NCAM2: variants seen among roughly 807,000 people sequenced by gnomAD.
NCAM2 encodes the protein neural cell adhesion molecule 2.
NCAM2 carries 30 observed loss-of-function variants against 98.1 expected under a neutral mutation model. The ratio of observed to expected loss-of-function variants is 0.31; its 90% CI spans 0.23 to 0.41. NCAM2 has a LOEUF of 0.41. NCAM2 is among the 10% of genes least tolerant of loss of function. The pLI is 1.00. For synonymous variants in NCAM2, 368 were observed against 342.4 expected (o/e 1.07, Z -0.83); for missense variants, 867 against 1,005.8 (o/e 0.86, Z 1.87).
chr21:21,021,014 G>C (rs1417551896), intron 1 of NCAM2, among the ~76,000 whole-genome samples: 1 of 152,052 alleles, frequency 6.6e-6, no homozygotes, highest in Admixed American at 6.6e-5. Context: ...AGGTTGGCCA[G>C]GTGTCTCCTG....
At chr21:21,341,680 A>G (rs2075040908) in intron 8 of NCAM2, among the ~76,000 whole-genome samples, 1 of 151,438 alleles carries the variant, frequency 6.6e-6, no homozygotes, top group Non-Finnish European at 1.5e-5. Context: ...TAGATTTTTC[A>G]GAGAGGAGGG....
intron 1 of NCAM2, among the ~76,000 whole-genome samples, chr21:21,185,953 T>C (rs1348810415): frequency 6.6e-6 from 1 of 152,140 alleles, no homozygotes; most frequent in East Asian, 1.9e-4. Context: ...GATAGCCAGG[T>C]CAAAGTGAGG....
At chr21:21,349,239 A>G (rs752814169) in intron 8 of NCAM2, among the ~76,000 whole-genome samples, 1 of 152,170 alleles carries the variant, frequency 6.6e-6, no homozygotes, top group Admixed American at 6.5e-5. Context: ...TAGAAAAAAT[A>G]TAATTATCTA....
At chr21:21,297,932 T>C (rs1478798350) in intron 5 of NCAM2, among the ~76,000 whole-genome samples, 2 of 151,768 alleles carry the variant, frequency 1.3e-5, no homozygotes, top group East Asian at 3.9e-4. Flanking sequence ...ACAATTGAGA[T>C]TGGATAAAAA....
chr21:21,364,252 T>C (rs1051888764), intron 8 of NCAM2, among the ~76,000 whole-genome samples: 15 of 151,966 alleles, frequency 9.9e-5, no homozygotes, highest in African/African-American at 3.4e-4. Flanking sequence ...CCAATAAATA[T>C]AGGCATATTT....
chr21:21,520,379 G>A (rs2219546), intron 16 of NCAM2, among the ~76,000 whole-genome samples: 1 of 152,216 alleles, frequency 6.6e-6, no homozygotes, highest in Admixed American at 6.5e-5. Context: ...AAAGCATAAG[G>A]AAGAGTAGGA....
At chr21:21,218,341 T>C (rs1391543300) in intron 1 of NCAM2, among the ~76,000 whole-genome samples, 1 of 152,106 alleles carries the variant, frequency 6.6e-6, no homozygotes, top group Non-Finnish European at 1.5e-5. Flanking sequence ...TGACCAAGTA[T>C]ACTCTCAGAA....
chr21:21,288,428 A>T, intron 4 of NCAM2, among the ~76,000 whole-genome samples: 1 of 151,930 alleles, frequency 6.6e-6, no homozygotes, highest in East Asian at 1.9e-4. Flanking sequence ...TGTTTAGGTT[A>T]TATCTAGAAC....
At chr21:21,506,905 T>C (rs1220212693) in intron 15 of NCAM2, among the ~76,000 whole-genome samples, 1 of 152,138 alleles carries the variant, frequency 6.6e-6, no homozygotes, top group African/African-American at 2.4e-5. Context: ...GACATGAGCA[T>C]TCTAAATTTG....
At chr21:21,000,538 A>G (rs1013218648) in intron 1 of NCAM2, among the ~76,000 whole-genome samples, 1 of 152,096 alleles carries the variant, frequency 6.6e-6, no homozygotes, top group Non-Finnish European at 1.5e-5. Context: ...GATTCAGCTA[A>G]TTTGTAAGTC....
chr21:21,535,167 G>T (rs1197342731), intron 17 of NCAM2, among the ~76,000 whole-genome samples: 3 of 151,940 alleles, frequency 2.0e-5, no homozygotes, highest in Non-Finnish European at 4.4e-5. Context: ...TTCCATTCTT[G>T]ATGTTATTTA....
In NCAM2 at chr21:21,280,482, A is replaced by G. The variant is rs140745756; in HGVS notation, c.56-96A>G. On this transcript the variant is annotated intron_variant, in intron 1 of 17. Transcript: ENST00000400546. ...GGTAATAAAAAATTGGGGGGAAATA[A>G]TCAGCGTTTGGACCATGTGGTTTAG... is the stretch of plus-strand genomic sequence containing the variant. The G allele has an allele frequency of 2.9e-4, 217 of 753,772 alleles. 1 individual carries two copies. The East Asian group carries it at 6.1e-3, about 21-fold the overall frequency. The allele number at this position is 753,772 out of a possible 1,614,324, so 46.7% of individuals were successfully genotyped here.
intron 11 of NCAM2, among the ~76,000 whole-genome samples, chr21:21,427,853 A>T (rs2077248950): frequency 6.6e-6 from 1 of 152,222 alleles, no homozygotes; most frequent in Non-Finnish European, 1.5e-5. Context: ...AAGGAGGCTG[A>T]TGATCAGGGA....
intron 1 of NCAM2, among the ~76,000 whole-genome samples, chr21:21,004,994 G>T (rs79380417): frequency 1.4e-3 from 210 of 152,224 alleles, no homozygotes; most frequent in African/African-American, 4.9e-3. Context: ...TGAACAAATT[G>T]TAAGAAGGGA....
In NCAM2 at chr21:21,072,904, C is replaced by T. The variant is rs1430149787; in HGVS notation, c.55+74286C>T. Among the ~76,000 whole-genome samples, 4 of 151,956 alleles carry T rather than the reference C, an allele frequency of 2.6e-5. No individual in the cohort carries two copies. The East Asian group carries it at 5.8e-4, about 22-fold the overall frequency. ...GAGTATATTCACAATGTTGTGTGAC[C>T]ATCCCACCGTCCATCTCCAGAACTG... is the stretch of plus-strand genomic sequence containing the variant. On this transcript the variant is annotated intron_variant, in intron 1 of 17. Coordinates refer to ENST00000400546, the MANE Select transcript of NCAM2 (RefSeq NM_004540.5).
chr21:21,329,507 C>G (rs2074614319), intron 6 of NCAM2, among the ~76,000 whole-genome samples: 2 of 152,124 alleles, frequency 1.3e-5, no homozygotes, highest in South Asian at 2.1e-4. Context: ...TTTTGTAGAA[C>G]ATACCCCTGT....
intron 1 of NCAM2, among the ~76,000 whole-genome samples, chr21:21,102,981 CA>C (rs879670317): frequency 1.3e-5 from 2 of 152,034 alleles, no homozygotes; most frequent in Admixed American, 6.6e-5. Flanking sequence ...TCACCTAATG[CA>C]TGCATTCTTG....
intron 2 of NCAM2, 49 bp downstream of exon 2, chr21:21,280,701 A>G: frequency 8.4e-7 from 1 of 1,191,872 alleles, no homozygotes; most frequent in Non-Finnish European, 1.2e-6. Context: ...CTGTTAAAAT[A>G]TTAATAAAAT....
intron 1 of NCAM2, among the ~76,000 whole-genome samples, chr21:21,023,075 C>G (rs992537489): frequency 1.3e-5 from 2 of 152,032 alleles, no homozygotes; most frequent in African/African-American, 4.8e-5. Flanking sequence ...TAAATAAGAA[C>G]ATGGGAAGTA....
Sources: allele counts gnomAD v4.1 joint callset (sites outside exome capture counted in the v4.1 genomes callset), GRCh38; gene constraint gnomAD v4.1.1; transcripts MANE v1.5; gene names NCBI Gene and HGNC (gene_info 2026-07-23, HGNC 2026-07-21).